Variants in COPS3 observed in about 807,000 individuals in gnomAD.
COPS3 encodes the protein COP9 signalosome complex subunit 3.
A neutral mutation model predicts 58.2 loss-of-function variants in COPS3; 10 were observed. The observed-to-expected ratio is 0.17, with a 90% CI of 0.11 to 0.29. The LOEUF (loss-of-function observed/expected upper bound fraction) is 0.29, where lower values mean the gene tolerates loss of function less well. COPS3 is among the 10% of genes least tolerant of loss of function. The pLI, the probability that COPS3 is intolerant of heterozygous loss-of-function variation, is 1.00. For synonymous variants in COPS3, 187 were observed against 181.7 expected, an observed-to-expected ratio of 1.03 and a Z score of -0.24; for missense variants, 333 against 510.1, an observed-to-expected ratio of 0.65 and a Z score of 3.34.
intron 1 of COPS3, among the ~76,000 whole-genome samples, chr17:17,276,572 C>CT (rs369484876): frequency 7.0e-4 from 100 of 143,856 alleles, no homozygotes; most frequent in South Asian, 3.1e-3. Context: ...TGGACTACAT[C>CT]TTTTTTTTTT....
At chr17:17,280,631 G>A (rs536448692) in intron 1 of COPS3, 3 of 1,303,420 alleles carry the variant, frequency 2.3e-6, no homozygotes, top group East Asian at 1.1e-4. Context: ...GTTCCCGAGC[G>A]TGCGCCGCCT....
chr17:17,256,900 T>C (rs1170161230), intron 8 of COPS3, among the ~76,000 whole-genome samples: 1 of 152,132 alleles, frequency 6.6e-6, no homozygotes, highest in Non-Finnish European at 1.5e-5. Context: ...CATAAATTCT[T>C]GATGAGCCAA....
At chr17:17,272,208 A>T (rs2048368114) in intron 2 of COPS3, among the ~76,000 whole-genome samples, 1 of 152,164 alleles carries the variant, frequency 6.6e-6, no homozygotes, top group South Asian at 2.1e-4. Flanking sequence ...GGATCACCTG[A>T]GGTCAGGATT....
intron 1 of COPS3, among the ~76,000 whole-genome samples, chr17:17,277,155 G>A (rs779032039): frequency 6.6e-6 from 1 of 152,102 alleles, no homozygotes; most frequent in African/African-American, 2.4e-5. Flanking sequence ...CTACCTGACT[G>A]AGCCTCATCC....
intron 10 of COPS3, among the ~76,000 whole-genome samples, chr17:17,248,072 G>A (rs957803323): frequency 6.6e-6 from 1 of 152,192 alleles, no homozygotes; most frequent in South Asian, 2.1e-4. Context: ...CGTCAGGGAG[G>A]GCTTTGCTCT....
chr17:17,259,338 G>C (rs184584585), intron 8 of COPS3, among the ~76,000 whole-genome samples: 2 of 152,260 alleles, frequency 1.3e-5, no homozygotes, highest in Admixed American at 1.3e-4. Context: ...CCTGTAACTT[G>C]CAGCCTATAC....
chr17:17,261,785 A>G lies in COPS3; in HGVS notation c.762+181T>C, dbSNP rs555246936. ...ACAAGTTTGAAAACGGGTTCCTGAG[A>G]AATATTCCATTCCAATCAGGTAATG... On this transcript the variant is annotated intron_variant, in intron 7 of 11. Transcript: ENST00000268717. The G allele has an allele frequency of 1.4e-5, 8 of 553,068 alleles. No homozygotes were observed. The South Asian group carries it at 1.9e-4, about 13-fold the overall frequency. 34.3% of individuals were successfully genotyped at this position (553,068 alleles called of 1,614,324 possible).
At position 17,275,065 on chromosome 17, in the gene COPS3, T is replaced by C. The variant is rs2048432295; in HGVS notation, c.185+970A>G. 2.6e-5 allele frequency among the ~76,000 whole-genome samples: 4 copies of C among 151,588 alleles called. No homozygotes were observed. The Admixed American group carries it at 2.7e-4, about 10-fold the overall frequency. On this transcript the variant is annotated intron_variant, in intron 2 of 11. Transcript: ENST00000268717. ...GCTCTCACTCTTGGCCCCCTTAGTA[T>C]GTTCTCAAAGCAGGAAAAGCAACAA...
In COPS3 at chr17:17,267,944, T is replaced by C; in HGVS notation, c.382A>G (p.Ile128Val). ...LRGIGILKQA[I>V]DKMQMNTNQL... The stretch of plus-strand genomic sequence containing the variant: ...TTTGTATTCATCTGCATCTTGTCTA[T>C]GGCTTGCTTAAGGATGCCAATTCCT... Residue 128 changes from isoleucine (I) to valine (V), a missense_variant, in exon 5 of 12, where the codon ATA becomes GTA. By Grantham distance (29) the Ile-to-Val change is conservative. Transcript: ENST00000268717. The C allele has an allele frequency of 6.2e-7, 1 of 1,614,124 alleles. No homozygotes were observed. The highest frequency in any genetic ancestry group is 1.3e-5 in the African/African-American group (1 of 75,062).
intron 5 of COPS3, among the ~76,000 whole-genome samples, chr17:17,266,042 C>G (rs988173672): frequency 2.0e-5 from 3 of 152,196 alleles, no homozygotes; most frequent in Non-Finnish European, 2.9e-5. Context: ...TAGTATTTTA[C>G]TGTCTATATG....
intron 4 of COPS3, among the ~76,000 whole-genome samples, chr17:17,269,980 A>AC (rs1159891473): frequency 6.6e-6 from 1 of 151,944 alleles, no homozygotes; most frequent in Non-Finnish European, 1.5e-5. Context: ...ACATGGTGAA[A>AC]CCCCGTCTCT....
At position 17,276,017 on chromosome 17, in the gene COPS3, AAAG is replaced by A. The variant is rs1224710874; in HGVS notation, c.185+15_185+17del. On this transcript the variant is annotated intron_variant, in intron 2 of 11. Coordinates refer to ENST00000268717, the MANE Select transcript of COPS3 (RefSeq NM_003653.4). ...CCATTTTAACAAGCACAGAACTATA[AAAG>A]AAGATGCTCCTTACAAAACAGCAAG... 6.2e-7 allele frequency: 1 copy of A among 1,610,726 alleles called. No individual in the cohort carries two copies. Among genetic ancestry groups the A allele is most frequent in the African/African-American group, 1.3e-5 (1 of 74,902 alleles).
Position 17,281,213 on chromosome 17 carries a change from G to C in COPS3, c.-27C>G, listed in dbSNP as rs2048579329. ...TTTTCCCCCGGGCGGCCCGAGCGGCGAAGGCAGCACGCGCGGGAAAAGGCT... is the reference window on the plus strand; with the variant it reads ...TTTTCCCCCGGGCGGCCCGAGCGGCCAAGGCAGCACGCGCGGGAAAAGGCT... On this transcript the variant is annotated 5_prime_UTR_variant, in exon 1 of 12. Transcript: ENST00000268717. 1.2e-6 allele frequency: 2 copies of C among 1,603,094 alleles called. No homozygotes were observed. The highest frequency in any genetic ancestry group is 1.7e-5 in the Admixed American group (1 of 58,532).
rs376506062 is a variant in COPS3, at chr17:17,267,856, G to A, written c.441+29C>T. The A allele has an allele frequency of 6.8e-6, 11 of 1,608,726 alleles. No individual in the cohort carries two copies. The African/African-American group carries it at 1.5e-4, about 21-fold the overall frequency. ...CATAAACAACCTACACCTCTGACTT[G>A]GTGTGAATCACACACTTTGGTTGCT... On this transcript the variant is annotated intron_variant, in intron 5 of 11. Coordinates refer to ENST00000268717, the MANE Select transcript of COPS3 (RefSeq NM_003653.4).
At chr17:17,254,744 A>G in intron 9 of COPS3, 115 bp downstream of exon 9, 1 of 560,866 alleles carries the variant, frequency 1.8e-6, no homozygotes, top group Non-Finnish European at 3.0e-6. Flanking sequence ...CGGGAGGTGG[A>G]GGTTGCAGTG....
Position 17,261,526 on chromosome 17 carries a change from C to A in COPS3, c.762+440G>T, listed in dbSNP as rs1444021781. 2.7e-5 allele frequency: 8 copies of A among 293,904 alleles called. No homozygotes were observed. The Admixed American group carries it at 2.9e-4, about 11-fold the overall frequency. The allele number at this position is 293,904 out of a possible 1,614,324, so 18.2% of individuals were successfully genotyped here. A position where few individuals can be genotyped will look rare whatever the true frequency, so the allele number is the denominator to read the frequency against. ...TGGTGACAAGAGCAAAACTCCATTT[C>A]TAAATAAATAAATAAATAAATAAAA... is the stretch of plus-strand genomic sequence containing the variant. On this transcript the variant is annotated intron_variant, in intron 7 of 11. Transcript: ENST00000268717.
chr17:17,263,335 G>A (rs1166868906), intron 6 of COPS3, among the ~76,000 whole-genome samples: 4 of 151,696 alleles, frequency 2.6e-5, no homozygotes, highest in African/African-American at 9.7e-5. Context: ...TGAGTAGCTG[G>A]GATTACAGGC....
intron 5 of COPS3, among the ~76,000 whole-genome samples, chr17:17,267,060 G>A (rs1325769318): frequency 2.0e-5 from 3 of 150,762 alleles, no homozygotes; most frequent in African/African-American, 7.3e-5. Flanking sequence ...GTTACAGGCC[G>A]GGCACAGTGG....
At chr17:17,275,970 A>G in intron 2 of COPS3, 65 bp downstream of exon 2, 1 of 1,402,642 alleles carries the variant, frequency 7.1e-7, no homozygotes. Context: ...AATAAAAATA[A>G]AGCCAGGAAG....
Sources: gnomAD v4.1 joint callset for allele counts (sites outside exome capture counted in the v4.1 genomes callset) on GRCh38, gnomAD v4.1.1 for gene constraint, MANE v1.5 for transcripts, NCBI Gene and HGNC (gene_info 2026-07-23, HGNC 2026-07-21) for gene names.